The following CXCR2 variants were observed in gnomAD, a reference collection of about 807,000 sequenced individuals.
CXCR2 encodes C-X-C motif chemokine receptor 2.
CXCR2 carries 2 observed loss-of-function variants against 3.7 expected under a neutral mutation model. The observed-to-expected ratio is 0.55, with a 90% CI of 0.22 to 1.72. The LOEUF (loss-of-function observed/expected upper bound fraction) is 1.72, where lower values mean the gene tolerates loss of function less well. CXCR2 is among the 40% of genes most tolerant of loss of function. CXCR2 has a pLI of 0.19. For synonymous variants in CXCR2, 203 were observed against 193.3 expected, an observed-to-expected ratio of 1.05 and a Z score of -0.41; for missense variants, 351 against 450.1, an observed-to-expected ratio of 0.78 and a Z score of 1.99.
chr2:218,131,137 T>C (rs1302743378), intron 2 of CXCR2: 1 of 152,262 alleles, frequency 6.6e-6, no homozygotes. Flanking sequence ...GAGCACAAGC[T>C]CTCTGCACCC....
Position 218,134,691 on chromosome 2 carries a change from A to C in CXCR2, c.-25-86A>C, listed in dbSNP as rs947835719. Reference sequence around the variant, plus strand: ...ACTACATTGTAATACTCAAGCCAACACAAAGAATCCTATCCCAGTTTCTTG... The same window carrying C: ...ACTACATTGTAATACTCAAGCCAACCCAAAGAATCCTATCCCAGTTTCTTG... On this transcript the variant is annotated intron_variant, in intron 2 of 2. Transcript: ENST00000318507. 5.5e-6 allele frequency: 7 copies of C among 1,283,730 alleles called. No homozygotes were observed. In the African/African-American group the frequency reaches 9.0e-5, roughly 16 times the overall value. 79.5% of individuals were successfully genotyped at this position (1,283,730 alleles called of 1,614,324 possible).
At chr2:218,131,638 T>C (rs531562371) in intron 2 of CXCR2, among the ~76,000 whole-genome samples, 1 of 151,558 alleles carries the variant, frequency 6.6e-6, no homozygotes, top group Non-Finnish European at 1.5e-5. Flanking sequence ...CCCAGCTAAT[T>C]TTTTGTATTT....
In CXCR2 at chr2:218,134,841, T is replaced by C; in HGVS notation, c.40T>C (p.Phe14Leu). 2 of 1,614,042 alleles carry C rather than the reference T, an allele frequency of 1.2e-6. No individual in the cohort carries two copies. The highest frequency in any genetic ancestry group is 1.7e-6 in the Non-Finnish European group (2 of 1,179,934). The change falls in exon 3 of 3, where the codon TTC (phenylalanine) becomes CTC (leucine). Residue 14 changes from phenylalanine (F) to leucine (L), a missense_variant. Coordinates refer to ENST00000318507, the MANE Select transcript of CXCR2 (RefSeq NM_001557.4). ...CATGGAGAGTGACAGCTTTGAAGATTTCTGGAAAGGTGAAGATCTTAGTAA... is the reference window on the plus strand; with the variant it reads ...CATGGAGAGTGACAGCTTTGAAGATCTCTGGAAAGGTGAAGATCTTAGTAA... The part of the protein sequence containing the change: ...FNMESDSFED[F>L]WKGEDLSNYS...
rs1053698644 is a variant in CXCR2 at position 218,135,325 on chromosome 2, T to A, written c.524T>A (p.Leu175His). 1 of 1,614,080 alleles carries A rather than the reference T, an allele frequency of 6.2e-7. No homozygotes were observed. The highest frequency in any genetic ancestry group is 1.7e-5 in the Admixed American group (1 of 60,010). ...CTCAGCATCTGGGGTCTGTCCTTGC[T>A]CCTGGCCCTGCCTGTCTTACTTTTC... The part of the protein sequence containing the change: ...ICLSIWGLSL[L>H]LALPVLLFRR... The change falls in exon 3 of 3, where the codon CTC becomes CAC. Residue 175 changes from leucine to histidine, a missense_variant. Coordinates refer to ENST00000318507, the MANE Select transcript of CXCR2 (RefSeq NM_001557.4). The surrounding 1 kb of genome is among the most constrained non-coding windows in gnomAD (Gnocchi z 4.0).
intron 2 of CXCR2, among the ~76,000 whole-genome samples, chr2:218,134,419 A>C (rs1006651362): frequency 6.6e-6 from 1 of 152,210 alleles, no homozygotes; most frequent in African/African-American, 2.4e-5. Context: ...ATTTCTGAAC[A>C]TTAAACCCAG....
At position 218,126,184 on chromosome 2, in the gene CXCR2, C is replaced by G. The variant is rs982030272; in HGVS notation, c.-247C>G. ...AGTCCCAGGACAGACCTCATTGTTC[C>G]TCTGTGGGAATACCTCCCCAGGAGG... On this transcript the variant is annotated 5_prime_UTR_variant, in exon 1 of 3. Transcript: ENST00000318507. 6.6e-6 allele frequency: 1 copy of G among 152,432 alleles called. No individual in the cohort carries two copies. Among genetic ancestry groups the G allele is most frequent in the Admixed American group, 6.5e-5 (1 of 15,290 alleles). 9.4% of individuals were successfully genotyped at this position (152,432 alleles called of 1,614,324 possible).
At chr2:218,126,868 G>T (rs1690523169) in intron 1 of CXCR2, among the ~76,000 whole-genome samples, 1 of 152,166 alleles carries the variant, frequency 6.6e-6, no homozygotes, top group South Asian at 2.1e-4. Flanking sequence ...TAAAGACAGG[G>T]TTTCGTCATG....
intron 1 of CXCR2, among the ~76,000 whole-genome samples, chr2:218,127,276 G>A (rs920859307): frequency 2.6e-5 from 4 of 152,088 alleles, no homozygotes; most frequent in Admixed American, 6.5e-5. Flanking sequence ...ACAGGCGTGC[G>A]CTGCCACGCC....
At chr2:218,128,560 C>A (rs1004851029) in intron 1 of CXCR2, among the ~76,000 whole-genome samples, 1 of 152,168 alleles carries the variant, frequency 6.6e-6, no homozygotes, top group African/African-American at 2.4e-5. Flanking sequence ...AAAATACATT[C>A]TTAGGGTCAC....
chr2:218,134,134 T>A (rs904498387), intron 2 of CXCR2, among the ~76,000 whole-genome samples: 8 of 152,220 alleles, frequency 5.3e-5, no homozygotes, highest in African/African-American at 2.4e-5. Context: ...TTAAAATAAC[T>A]TTTAGAAAAT....
intron 1 of CXCR2, among the ~76,000 whole-genome samples, chr2:218,129,040 C>T (rs1001053646): frequency 1.3e-5 from 2 of 152,186 alleles, no homozygotes; most frequent in Non-Finnish European, 2.9e-5. Flanking sequence ...TGAAAGAAAT[C>T]CATGCAATCC....
chr2:218,134,872 G>C lies in CXCR2; in HGVS notation c.71G>C (p.Ser24Thr). ...FWKGEDLSNY[S>T]YSSTLPPFLL... ...AAAGGTGAAGATCTTAGTAATTACA[G>C]TTACAGCTCTACCCTGCCCCCTTTT... Residue 24 changes from serine to threonine, a missense_variant, in exon 3 of 3, where the codon AGT becomes ACT. Physicochemically the swap from Ser to Thr is moderately conservative, Grantham distance 58. Transcript: ENST00000318507. 6.2e-7 allele frequency: 1 copy of C among 1,614,176 alleles called. No homozygotes were observed. Among genetic ancestry groups the C allele is most frequent in the African/African-American group, 1.3e-5 (1 of 75,036 alleles).
In CXCR2 at chr2:218,136,163, T is replaced by A; in HGVS notation, c.*279T>A. On this transcript the variant is annotated 3_prime_UTR_variant, in exon 3 of 3. Transcript: ENST00000318507. ...CACTCTATGTTCTAAGAAGTGAAAA[T>A]CTACACTCCAGTGAGACAGCTCTGC... is the stretch of plus-strand genomic sequence containing the variant. 1 of 409,584 alleles carries A rather than the reference T, an allele frequency of 2.4e-6. No homozygotes were observed. Among genetic ancestry groups the A allele is most frequent in the South Asian group, 5.1e-5 (1 of 19,682 alleles). The allele number at this position is 409,584 out of a possible 1,614,324, so 25.4% of individuals were successfully genotyped here. A position where few individuals can be genotyped will look rare whatever the true frequency, so the allele number is the denominator to read the frequency against.
chr2:218,128,896 C>G (rs185992236), intron 1 of CXCR2, among the ~76,000 whole-genome samples: 1 of 152,270 alleles, frequency 6.6e-6, no homozygotes, highest in Non-Finnish European at 1.5e-5. Flanking sequence ...ATGCACTGCT[C>G]CCTTTGACAT....
intron 2 of CXCR2, among the ~76,000 whole-genome samples, chr2:218,131,811 T>C (rs1690654871): frequency 6.6e-6 from 1 of 151,404 alleles, no homozygotes; most frequent in Non-Finnish European, 1.5e-5. Context: ...ACTGATTGAA[T>C]CTTCTCCATC....
rs765105197 is a variant in CXCR2, at chr2:218,134,908, C to T, written c.107C>T (p.Ala36Val). Reference protein sequence around the residue: ...SSTLPPFLLDAAPCEPESLEI... With the variant: ...SSTLPPFLLDVAPCEPESLEI... ...ACCCTGCCCCCTTTTCTACTAGATG[C>T]CGCCCCATGTGAACCAGAATCCCTG... is the stretch of plus-strand genomic sequence containing the variant. The change falls in exon 3 of 3, where the codon GCC becomes GTC. Residue 36 changes from alanine to valine, a missense_variant. Transcript: ENST00000318507. 1 of 1,614,152 alleles carries T rather than the reference C, an allele frequency of 6.2e-7. No homozygotes were observed. Among genetic ancestry groups the T allele is most frequent in the East Asian group, 2.2e-5 (1 of 44,882 alleles).
chr2:218,132,160 G>C (rs1690663705), intron 2 of CXCR2, among the ~76,000 whole-genome samples: 1 of 151,934 alleles, frequency 6.6e-6, no homozygotes, highest in Non-Finnish European at 1.5e-5. Context: ...CCCATTTAAA[G>C]TTTTTAGCAT....
At chr2:218,134,703 A>C (rs1248413570) in intron 2 of CXCR2, 74 bp from the exon 3 acceptor site, 2 of 1,361,710 alleles carry the variant, frequency 1.5e-6, no homozygotes, top group African/African-American at 2.9e-5. Flanking sequence ...AAAGAATCCT[A>C]TCCCAGTTTC....
At chr2:218,132,578 G>A (rs998351193) in intron 2 of CXCR2, among the ~76,000 whole-genome samples, 1 of 152,200 alleles carries the variant, frequency 6.6e-6, no homozygotes, top group Non-Finnish European at 1.5e-5. Flanking sequence ...GGGCTATATG[G>A]TAGAGTACTG....
Sources: gnomAD v4.1 joint callset for allele counts (sites outside exome capture counted in the v4.1 genomes callset) on GRCh38, gnomAD v4.1.1 for gene constraint, Gnocchi (gnomAD v3.1) non-coding constraint, MANE v1.5 for transcripts, NCBI Gene and HGNC (gene_info 2026-07-23, HGNC 2026-07-21) for gene names.